The following GMDS variants were observed in gnomAD, a reference collection of about 807,000 sequenced individuals.
GMDS encodes the protein GDP-mannose 4,6-dehydratase, also known as GDP-mannose 4,6 dehydratase.
In GMDS, 20 loss-of-function variants were observed where a neutral mutation model predicts 49.9. That is an observed-to-expected ratio of 0.40 (90% confidence interval 0.28 to 0.58). The LOEUF is 0.58. Ranked by LOEUF, GMDS falls within the 20% of genes least tolerant of loss-of-function variation. The pLI is 0.42. For synonymous variants in GMDS, 177 were observed against 178.6 expected, an observed-to-expected ratio of 0.99 and a Z score of 0.07; for missense variants, 362 against 481.4, an observed-to-expected ratio of 0.75 and a Z score of 2.32.
At chr6:2,123,315 C>G (rs1461741027) in intron 2 of GMDS, among the ~76,000 whole-genome samples, 1 of 152,192 alleles carries the variant, frequency 6.6e-6, no homozygotes, top group Non-Finnish European at 1.5e-5. Context: ...CCTTGTCCCC[C>G]TAAGAGTGGA....
chr6:2,083,876 G>T (rs1772856899), intron 4 of GMDS, among the ~76,000 whole-genome samples: 1 of 152,050 alleles, frequency 6.6e-6, no homozygotes, highest in Non-Finnish European at 1.5e-5. Flanking sequence ...TAATTGGGGG[G>T]TATTACAATG....
intron 9 of GMDS, among the ~76,000 whole-genome samples, chr6:1,717,085 G>A (rs1373342844): frequency 6.6e-6 from 1 of 152,214 alleles, no homozygotes; most frequent in Non-Finnish European, 1.5e-5. Context: ...TCCCTGCCAA[G>A]AGAAAATCTC....
chr6:2,079,117 C>T (rs1772523870), intron 4 of GMDS, among the ~76,000 whole-genome samples: 1 of 128,650 alleles, frequency 7.8e-6, no homozygotes, highest in African/African-American at 2.8e-5. Context: ...GGTTTCTGTT[C>T]GTGTGGAGTA....
chr6:2,056,560 C>T (rs995201425), intron 4 of GMDS, among the ~76,000 whole-genome samples: 1 of 152,068 alleles, frequency 6.6e-6, no homozygotes, highest in African/African-American at 2.4e-5. Flanking sequence ...ACACAAGAGA[C>T]CATGGTTTTC....
intron 8 of GMDS, among the ~76,000 whole-genome samples, chr6:1,728,341 A>G (rs950285311): frequency 3.3e-5 from 5 of 152,216 alleles, no homozygotes; most frequent in African/African-American, 1.2e-4. Flanking sequence ...TTTCACAGGC[A>G]TGTTTGATCT....
At chr6:1,945,614 C>A (rs1396237033) in intron 6 of GMDS, among the ~76,000 whole-genome samples, 1 of 151,998 alleles carries the variant, frequency 6.6e-6, no homozygotes, top group Non-Finnish European at 1.5e-5. Flanking sequence ...TGTCTGTGAA[C>A]CCAATATTCT....
intron 9 of GMDS, among the ~76,000 whole-genome samples, chr6:1,678,334 A>C (rs941218314): frequency 6.6e-6 from 1 of 152,128 alleles, no homozygotes; most frequent in Non-Finnish European, 1.5e-5. Context: ...TCACCCTCCC[A>C]ATGTTCCCAC....
chr6:1,961,922 A>T (rs959085317), intron 4 of GMDS, among the ~76,000 whole-genome samples: 24 of 152,220 alleles, frequency 1.6e-4, no homozygotes, highest in African/African-American at 5.3e-4. Context: ...GACCCTATTT[A>T]GACCACTAAA....
At chr6:2,004,190 C>A (rs940475586) in intron 4 of GMDS, among the ~76,000 whole-genome samples, 1 of 152,182 alleles carries the variant, frequency 6.6e-6, no homozygotes, top group Non-Finnish European at 1.5e-5. Context: ...CAAGCCCTTC[C>A]ATTAGACTGA....
At chr6:1,690,755 A>G (rs1765140977) in intron 9 of GMDS, among the ~76,000 whole-genome samples, 1 of 152,234 alleles carries the variant, frequency 6.6e-6, no homozygotes, top group South Asian at 2.1e-4. Context: ...CAAACATATA[A>G]AAAGAAGCTC....
In GMDS at chr6:2,220,187, G is replaced by A. The variant is rs1263422251; in HGVS notation, c.102+25134C>T. ...ATCTTTAAAAGCCATCCAGCAGAAC[G>A]CCTCCTTATCCCTAGAGGACTCAAT... On this transcript the variant is annotated intron_variant, in intron 1 of 10. Transcript: ENST00000380815. Among the ~76,000 whole-genome samples, 31 of 152,174 alleles carry A rather than the reference G, an allele frequency of 2.0e-4. 1 individual carries two copies. Among genetic ancestry groups the A allele is most frequent in the African/African-American group, 2.4e-5 (1 of 41,438 alleles).
At chr6:2,220,699 T>C (rs1213817864) in intron 1 of GMDS, among the ~76,000 whole-genome samples, 1 of 152,196 alleles carries the variant, frequency 6.6e-6, no homozygotes, top group Non-Finnish European at 1.5e-5. Context: ...AATTTCATGT[T>C]TAAACTTGGG....
At chr6:1,861,707 G>T (rs1758195328) in intron 7 of GMDS, among the ~76,000 whole-genome samples, 1 of 152,130 alleles carries the variant, frequency 6.6e-6, no homozygotes. Context: ...GAGTGATCTG[G>T]TCTCCTATCA....
intron 8 of GMDS, among the ~76,000 whole-genome samples, chr6:1,727,363 T>G (rs1247492455): frequency 1.3e-5 from 2 of 152,256 alleles, no homozygotes; most frequent in African/African-American, 2.4e-5. Context: ...GCCACTCACT[T>G]AATGGTAACG....
Position 2,146,321 on chromosome 6 carries a change from A to C in GMDS, c.103-21590T>G, listed in dbSNP as rs79213104. Among the ~76,000 whole-genome samples the C allele has an allele frequency of 4.7e-3, 710 of 152,306 alleles. 7 individuals are homozygous for C. Among genetic ancestry groups the C allele is most frequent in the African/African-American group, 0.016 (685 of 41,562 alleles). ...CCTTGAAGACATATGAAGGTGGTTAAGTTCCTAAATAAGGGTAGTGATATG... is the reference window on the plus strand; with the variant it reads ...CCTTGAAGACATATGAAGGTGGTTACGTTCCTAAATAAGGGTAGTGATATG... On this transcript the variant is annotated intron_variant, in intron 1 of 10. Transcript: ENST00000380815.
intron 4 of GMDS, among the ~76,000 whole-genome samples, chr6:2,080,757 G>C (rs984747058): frequency 6.6e-6 from 1 of 152,112 alleles, no homozygotes; most frequent in African/African-American, 2.4e-5. Context: ...CACTGGCACT[G>C]GTGTTACAGG....
intron 7 of GMDS, among the ~76,000 whole-genome samples, chr6:1,801,607 G>A (rs747429283): frequency 6.6e-6 from 1 of 152,236 alleles, no homozygotes; most frequent in East Asian, 1.9e-4. Flanking sequence ...GGGAGCAGAT[G>A]TTTGCACAGG....
chr6:1,636,602 C>T (rs1032292415), intron 9 of GMDS, among the ~76,000 whole-genome samples: 3 of 152,222 alleles, frequency 2.0e-5, no homozygotes, highest in Non-Finnish European at 4.4e-5. Flanking sequence ...GGTGCTGATG[C>T]GGCCCCCATG....
intron 4 of GMDS, among the ~76,000 whole-genome samples, chr6:2,074,150 C>T (rs1772178323): frequency 6.6e-6 from 1 of 152,168 alleles, no homozygotes; most frequent in Non-Finnish European, 1.5e-5. Flanking sequence ...TACAAGAGTT[C>T]CCTTTCCTCT....
Sources: allele counts gnomAD v4.1 joint callset (sites outside exome capture counted in the v4.1 genomes callset), GRCh38; gene constraint gnomAD v4.1.1; transcripts MANE v1.5; gene names NCBI Gene and HGNC (gene_info 2026-07-23, HGNC 2026-07-21).